Variants in OR51B5 observed in about 807,000 individuals in gnomAD.
OR51B5 encodes the protein olfactory receptor 51B5.
For missense variants in OR51B5, 456 were observed against 374.6 expected (o/e 1.22, Z -1.79); for synonymous variants, 186 against 144.8 (o/e 1.28, Z -2.04).
chr11:5,356,007 T>TA (rs1488950952), intron 1 of OR51B5, among the ~76,000 whole-genome samples: 3 of 134,654 alleles, frequency 2.2e-5, no homozygotes, highest in Non-Finnish European at 5.0e-5. Flanking sequence ...CAAAGGTAGA[T>TA]AAAACCACAA....
At chr11:5,394,906 T>A (rs941543541) in intron 1 of OR51B5, among the ~76,000 whole-genome samples, 5 of 152,148 alleles carry the variant, frequency 3.3e-5, no homozygotes, top group African/African-American at 1.2e-4. Context: ...TGAATGACAG[T>A]GAATAACTAC....
At chr11:5,360,202 C>T (rs1010011259) in intron 1 of OR51B5, among the ~76,000 whole-genome samples, 8 of 147,686 alleles carry the variant, frequency 5.4e-5, no homozygotes, top group Admixed American at 4.8e-4. Flanking sequence ...TCAGAGTGAA[C>T]AGGCAACATA....
intron 1 of OR51B5, among the ~76,000 whole-genome samples, chr11:5,418,301 T>A (rs1201519915): frequency 2.6e-5 from 4 of 152,058 alleles, no homozygotes; most frequent in African/African-American, 7.2e-5. Flanking sequence ...ATATACCTAA[T>A]GCTAGATGAC....
At chr11:5,351,933 T>A (rs1156476261) in intron 1 of OR51B5, 7 of 1,613,082 alleles carry the variant, frequency 4.3e-6, no homozygotes, top group Non-Finnish European at 5.1e-6. Flanking sequence ...TAATGAAGAT[T>A]GGTGTGCGGG....
At chr11:5,471,888 A>C (rs959418235) in intron 1 of OR51B5, among the ~76,000 whole-genome samples, 1 of 152,036 alleles carries the variant, frequency 6.6e-6, no homozygotes, top group Non-Finnish European at 1.5e-5. Context: ...GCTTATTCAG[A>C]CTCCCGGCAC....
chr11:5,443,475 C>T (rs571908412), intron 1 of OR51B5, among the ~76,000 whole-genome samples: 1 of 151,784 alleles, frequency 6.6e-6, no homozygotes, highest in South Asian at 2.1e-4. Context: ...GTCCATGTCT[C>T]TAAGAGGTCT....
At chr11:5,422,954 G>A (rs1052035730) in intron 1 of OR51B5, 3 of 1,613,912 alleles carry the variant, frequency 1.9e-6, no homozygotes, top group Non-Finnish European at 2.5e-6. Flanking sequence ...AGCTGTCCTG[G>A]TCCTCTACAT....
chr11:5,500,871 T>A (rs1477464886), intron 1 of OR51B5, among the ~76,000 whole-genome samples: 2 of 148,354 alleles, frequency 1.3e-5, no homozygotes, highest in African/African-American at 4.9e-5. Flanking sequence ...TATCCCAGGT[T>A]ATAGTCCTGT....
At chr11:5,343,045 G>T in exon 1 of OR51B5, 1 of 1,613,630 alleles carries the variant, frequency 6.2e-7, no homozygotes, top group Non-Finnish European at 8.5e-7. Flanking sequence ...AAAAATAGAG[G>T]GGCCTGATTG....
intron 1 of OR51B5, among the ~76,000 whole-genome samples, chr11:5,438,629 G>T (rs1349163851): frequency 6.6e-6 from 1 of 152,018 alleles, no homozygotes. Context: ...CTCAGTTTCT[G>T]CCTCCATTAA....
intron 1 of OR51B5, among the ~76,000 whole-genome samples, chr11:5,374,745 G>A (rs1468028850): frequency 2.6e-5 from 4 of 152,128 alleles, no homozygotes; most frequent in Non-Finnish European, 5.9e-5. Context: ...GATGGAAGAT[G>A]AAATAAATGA....
chr11:5,417,529 C>G (rs1422165195), intron 1 of OR51B5, among the ~76,000 whole-genome samples: 1 of 149,978 alleles, frequency 6.7e-6, no homozygotes, highest in Non-Finnish European at 1.5e-5. Flanking sequence ...ACCTACTCAT[C>G]TGACAAAGGG....
chr11:5,466,163 C>T (rs543196655), intron 1 of OR51B5, among the ~76,000 whole-genome samples: 19 of 152,234 alleles, frequency 1.2e-4, no homozygotes, highest in African/African-American at 1.9e-4. Flanking sequence ...TTATCATTTA[C>T]GTAGACGACA....
intron 1 of OR51B5, among the ~76,000 whole-genome samples, chr11:5,358,858 T>C (rs1399083439): frequency 1.3e-5 from 2 of 152,102 alleles, no homozygotes; most frequent in East Asian, 3.9e-4. Flanking sequence ...TCAATAAATG[T>C]AATCCAGCAT....
intron 1 of OR51B5, among the ~76,000 whole-genome samples, chr11:5,443,123 C>T (rs982270523): frequency 6.6e-6 from 1 of 152,114 alleles, no homozygotes; most frequent in Admixed American, 6.6e-5. Flanking sequence ...TAAAATAGCT[C>T]TTCTACTATA....
intron 1 of OR51B5, among the ~76,000 whole-genome samples, chr11:5,466,385 CTTA>C (rs1335072098): frequency 6.6e-6 from 1 of 152,012 alleles, no homozygotes; most frequent in Non-Finnish European, 1.5e-5. Context: ...ATTCATATGC[CTTA>C]TTATGAGAAT....
intron 1 of OR51B5, among the ~76,000 whole-genome samples, chr11:5,494,808 ATAT>A (rs1344882924): frequency 6.6e-6 from 1 of 152,200 alleles, no homozygotes; most frequent in East Asian, 1.9e-4. Context: ...TGTTTATTAA[ATAT>A]TATTATTTCA....
intron 1 of OR51B5, among the ~76,000 whole-genome samples, chr11:5,444,102 C>T (rs549555730): frequency 9.1e-4 from 139 of 152,262 alleles, no homozygotes; most frequent in Non-Finnish European, 1.6e-3. Flanking sequence ...AATGTTTATA[C>T]ACACACAGTG....
intron 1 of OR51B5, among the ~76,000 whole-genome samples, chr11:5,413,810 G>C (rs1351483556): frequency 1.3e-5 from 2 of 151,860 alleles, no homozygotes; most frequent in Non-Finnish European, 2.9e-5. Context: ...CATCTGATTG[G>C]TGTACCTGAA....
Sources: allele counts gnomAD v4.1 joint callset (sites outside exome capture counted in the v4.1 genomes callset), GRCh38; gene constraint gnomAD v4.1.1; transcripts MANE v1.5; gene names NCBI Gene and HGNC (gene_info 2026-07-23, HGNC 2026-07-21).